Variants in TXLNB observed in about 807,000 individuals in gnomAD.
TXLNB encodes the protein taxilin beta.
A neutral mutation model predicts 57.4 loss-of-function variants in TXLNB; 37 were observed. That is an observed-to-expected ratio of 0.64 (90% CI 0.50 to 0.85). The LOEUF (loss-of-function observed/expected upper bound fraction) is 0.85, where lower values mean the gene tolerates loss of function less well. Ranked by LOEUF, TXLNB falls within the 40% of genes least tolerant of loss-of-function variation. TXLNB has a pLI of 0.00. For missense variants in TXLNB, 848 were observed against 825.6 expected (o/e 1.03, Z -0.33); for synonymous variants, 302 against 309.6 (o/e 0.98, Z 0.26).
At chr6:139,278,639 T>A (rs977816945) in intron 2 of TXLNB, among the ~76,000 whole-genome samples, 1 of 152,164 alleles carries the variant, frequency 6.6e-6, no homozygotes, top group Non-Finnish European at 1.5e-5. Context: ...CTACTCTTGA[T>A]CATTCTTGGC....
the TXLNB span, among the ~76,000 whole-genome samples, chr6:139,214,316 G>A: frequency 6.6e-6 from 1 of 152,152 alleles, no homozygotes; most frequent in Non-Finnish European, 1.5e-5. Context: ...ATGCAAGGCT[G>A]GTTCAACATA....
chr6:139,180,814 GTCTT>G, the TXLNB span: 2 of 152,596 alleles, frequency 1.3e-5, no homozygotes, highest in Non-Finnish European at 2.9e-5. Context: ...ATTGTACTCT[GTCTT>G]TAGTTTGTCA....
At chr6:139,180,462 GA>G in the TXLNB span, 3 of 152,630 alleles carry the variant, frequency 2.0e-5, no homozygotes, top group Non-Finnish European at 4.4e-5. Flanking sequence ...TGGAGGTTGG[GA>G]AGGAAGTGAG....
chr6:139,277,018 C>A lies in TXLNB; in HGVS notation c.425-97G>T, dbSNP rs1246232897. The stretch of plus-strand genomic sequence containing the variant: ...TTGACCACTTGCTAATTATTCCCAA[C>A]CTTGGCTAAGCCATTCATCTTATCA... On this transcript the variant is annotated intron_variant, in intron 2 of 9. Transcript: ENST00000358430. The A allele has an allele frequency of 6.9e-6, 6 of 864,428 alleles. No homozygotes were observed. In the African/African-American group the frequency reaches 8.5e-5, roughly 12 times the overall value. 53.5% of individuals were successfully genotyped at this position (864,428 alleles called of 1,614,324 possible).
At chr6:139,321,146 C>T in the TXLNB span, among the ~76,000 whole-genome samples, 1 of 151,988 alleles carries the variant, frequency 6.6e-6, no homozygotes, top group Non-Finnish European at 1.5e-5. Context: ...AGAAGTGCCC[C>T]GGGGTTCCGT....
the TXLNB span, among the ~76,000 whole-genome samples, chr6:139,200,770 C>T: frequency 1.3e-5 from 2 of 152,160 alleles, no homozygotes; most frequent in South Asian, 4.2e-4. Flanking sequence ...GCCTAAATTT[C>T]ATGACCTAGT....
At chr6:139,176,051 G>A in the TXLNB span, among the ~76,000 whole-genome samples, 1 of 152,240 alleles carries the variant, frequency 6.6e-6, no homozygotes, top group African/African-American at 2.4e-5. The surrounding 1 kb of genome is among the most constrained non-coding windows in gnomAD (Gnocchi z 4.5). Flanking sequence ...AGGTATAACA[G>A]TGTGAAGACG....
the TXLNB span, among the ~76,000 whole-genome samples, chr6:139,194,633 T>C: frequency 3.3e-4 from 51 of 152,344 alleles, no homozygotes; most frequent in African/African-American, 1.2e-3. Flanking sequence ...AGTCATTGTC[T>C]CTTGCTTACC....
At chr6:139,181,338 C>A in the TXLNB span, among the ~76,000 whole-genome samples, 1 of 152,214 alleles carries the variant, frequency 6.6e-6, no homozygotes, top group African/African-American at 2.4e-5. Context: ...TGGAAAATTC[C>A]AGAAACAATT....
At position 139,285,289 on chromosome 6, in the gene TXLNB, C is replaced by T. The variant is rs1362256894; in HGVS notation, c.424+3187G>A. 5.6e-5 allele frequency among the ~76,000 whole-genome samples: 8 copies of T among 142,786 alleles called. 2 individuals carry two copies. The highest frequency in any genetic ancestry group is 1.2e-4 in the Non-Finnish European group (8 of 64,512). 93.7% of individuals were successfully genotyped at this position (142,786 alleles called of 152,430 possible). A position where few individuals can be genotyped will look rare whatever the true frequency, so the allele number is the denominator to read the frequency against. ...ACACACACACACACACACACACACACACACACACACACACACCCCAATTCT... is the reference window on the plus strand; with the variant it reads ...ACACACACACACACACACACACACATACACACACACACACACCCCAATTCT... On this transcript the variant is annotated intron_variant, in intron 2 of 9. Transcript: ENST00000358430.
At chr6:139,181,266 A>T in the TXLNB span, among the ~76,000 whole-genome samples, 1 of 152,246 alleles carries the variant, frequency 6.6e-6, no homozygotes, top group Non-Finnish European at 1.5e-5. Context: ...CCATACAGTA[A>T]TCCCCCCTTA....
At chr6:139,226,329 AG>A in the TXLNB span, among the ~76,000 whole-genome samples, 5 of 82,908 alleles carry the variant, frequency 6.0e-5, no homozygotes, top group South Asian at 4.8e-4. Flanking sequence ...AAAAAAAAAG[AG>A]ATAGAGAGAG....
At chr6:139,276,948 T>C (rs1308344432) in intron 2 of TXLNB, 27 bp from the exon 3 acceptor site, 2 of 1,551,056 alleles carry the variant, frequency 1.3e-6, no homozygotes, top group Non-Finnish European at 1.7e-6. Context: ...ATGAAAAAAA[T>C]AAGTGTTGAA....
the TXLNB span, among the ~76,000 whole-genome samples, chr6:139,304,791 G>A: frequency 0.085 from 13,003 of 152,170 alleles, 1,106 homozygotes; most frequent in East Asian, 0.29. Context: ...AACTCTCACC[G>A]CTGGTCTCCG....
At chr6:139,186,390 A>T in the TXLNB span, among the ~76,000 whole-genome samples, 3 of 152,244 alleles carry the variant, frequency 2.0e-5, no homozygotes, top group Admixed American at 2.0e-4. Context: ...AAAAGGAATG[A>T]TGACACATAA....
chr6:139,242,771 A>G lies in TXLNB; in HGVS notation c.1810T>C (p.Trp604Arg), dbSNP rs1206855784. The G allele has an allele frequency of 2.5e-6, 4 of 1,614,132 alleles. No homozygotes were observed. Among genetic ancestry groups the G allele is most frequent in the South Asian group, 2.2e-5 (2 of 91,076 alleles). Residue 604 changes from tryptophan (W) to arginine (R), a missense_variant, in exon 10 of 10, where the codon TGG (tryptophan) becomes CGG (arginine). Coordinates refer to ENST00000358430, the MANE Select transcript of TXLNB (RefSeq NM_153235.4). ...PVGAQADQASWKPEAEASGQA... is the reference protein window; with the variant it reads ...PVGAQADQASRKPEAEASGQA... ...CCGGAAGCTTCTGCCTCTGGCTTCCAGGACGCCTGATCAGCCTGTGCTCCA... is the reference window on the plus strand; with the variant it reads ...CCGGAAGCTTCTGCCTCTGGCTTCCGGGACGCCTGATCAGCCTGTGCTCCA...
the TXLNB span, among the ~76,000 whole-genome samples, chr6:139,322,257 C>T: frequency 6.6e-6 from 1 of 152,136 alleles, no homozygotes; most frequent in Non-Finnish European, 1.5e-5. Flanking sequence ...GTCCTGGAGG[C>T]TGAGAAGATC....
At chr6:139,252,276 A>T (rs1210726351) in intron 7 of TXLNB, among the ~76,000 whole-genome samples, 1 of 152,170 alleles carries the variant, frequency 6.6e-6, no homozygotes, top group African/African-American at 2.4e-5. Flanking sequence ...TGCTACTCCC[A>T]CCCCTTTAAA....
chr6:139,307,814 A>G, the TXLNB span, among the ~76,000 whole-genome samples: 2 of 152,224 alleles, frequency 1.3e-5, no homozygotes, highest in Non-Finnish European at 2.9e-5. Flanking sequence ...ACTAAGAAAT[A>G]ATTATATCAT....
Sources: allele counts gnomAD v4.1 joint callset (sites outside exome capture counted in the v4.1 genomes callset), GRCh38; gene constraint gnomAD v4.1.1; non-coding constraint Gnocchi (gnomAD v3.1); transcripts MANE v1.5; gene names NCBI Gene and HGNC (gene_info 2026-07-23, HGNC 2026-07-21).